Variants in OSMR observed in about 807,000 individuals in gnomAD.
OSMR encodes oncostatin M receptor.
OSMR carries 81 observed loss-of-function variants against 99.9 expected under a neutral mutation model. The ratio of observed to expected loss-of-function variants is 0.81; its 90% confidence interval spans 0.68 to 0.97. OSMR has a LOEUF of 0.97. Ranked by LOEUF, OSMR falls within the 50% of genes least tolerant of loss-of-function variation. The probability of loss-of-function intolerance (pLI) is 0.00; values close to 1 mark genes in which losing one functional copy is unlikely to be tolerated. For synonymous variants in OSMR, 406 were observed against 410.4 expected, an observed-to-expected ratio of 0.99 and a Z score of 0.13; for missense variants, 1,099 against 1,153.4, an observed-to-expected ratio of 0.95 and a Z score of 0.68.
At chr5:38,884,227 T>C in intron 5 of OSMR, 116 bp downstream of exon 5, 1 of 907,798 alleles carries the variant, frequency 1.1e-6, no homozygotes, top group East Asian at 2.4e-5. Context: ...TTCTTTTGTT[T>C]CCCAAGTTTT....
At chr5:38,890,452 T>C (rs140925436) in intron 7 of OSMR, among the ~76,000 whole-genome samples, 6 of 152,362 alleles carry the variant, frequency 3.9e-5, no homozygotes, top group African/African-American at 1.2e-4. Context: ...CTTTTCTTTT[T>C]AGATTTTCAG....
intron 15 of OSMR, among the ~76,000 whole-genome samples, chr5:38,929,624 A>G (rs1392683060): frequency 6.6e-6 from 1 of 152,192 alleles, no homozygotes; most frequent in African/African-American, 2.4e-5. Context: ...GTAAATTGGT[A>G]CAAGCAATTT....
chr5:38,881,534 A>C (rs74924445), intron 3 of OSMR, 59 bp from the exon 4 acceptor site: 49,619 of 1,613,694 alleles, frequency 0.031, 881 homozygotes, highest in Non-Finnish European at 0.036. Context: ...AAGTCAAGTC[A>C]AGCTATTTTA....
intron 7 of OSMR, 166 bp from the exon 8 acceptor site, chr5:38,903,716 T>C: frequency 2.2e-6 from 2 of 891,380 alleles, no homozygotes; most frequent in Non-Finnish European, 2.7e-6. Flanking sequence ...AGAGAAAGGC[T>C]GTAGTTGGCT....
intron 1 of OSMR, chr5:38,941,698 A>T (rs1045970695): frequency 1.7e-5 from 4 of 232,282 alleles, no homozygotes; most frequent in Non-Finnish European, 3.4e-5. Flanking sequence ...CATAAAAATA[A>T]CTTATAAGTC....
At chr5:38,919,096 C>T in intron 11 of OSMR, 34 bp downstream of exon 11, 1 of 1,609,888 alleles carries the variant, frequency 6.2e-7, no homozygotes, top group Non-Finnish European at 8.5e-7. Context: ...TGTTTTTATT[C>T]TCTAGGAAAA....
At chr5:38,889,754 A>G (rs1035377675) in intron 7 of OSMR, among the ~76,000 whole-genome samples, 1 of 152,134 alleles carries the variant, frequency 6.6e-6, no homozygotes, top group African/African-American at 2.4e-5. Context: ...TTGAAAAGAA[A>G]CCAATTTTGC....
At chr5:38,899,414 G>A (rs1043549876) in intron 7 of OSMR, among the ~76,000 whole-genome samples, 1 of 152,134 alleles carries the variant, frequency 6.6e-6, no homozygotes, top group Non-Finnish European at 1.5e-5. Context: ...GCCCACTTGT[G>A]CTCTACCCCT....
intron 1 of OSMR, chr5:38,940,934 C>T (rs1041057396): frequency 3.0e-5 from 7 of 232,312 alleles, no homozygotes; most frequent in African/African-American, 1.3e-4. Flanking sequence ...AAATGTTATA[C>T]ACAAATGAAT....
chr5:38,888,748 C>T (rs2112430390), intron 7 of OSMR, among the ~76,000 whole-genome samples: 1 of 152,168 alleles, frequency 6.6e-6, no homozygotes, highest in African/African-American at 2.4e-5. Flanking sequence ...TCTCGTAAGT[C>T]CACAAGTATA....
At chr5:38,886,501 T>C (rs1743784383) in intron 7 of OSMR, 1 of 365,090 alleles carries the variant, frequency 2.7e-6, no homozygotes, top group Non-Finnish European at 4.7e-6. Flanking sequence ...AAGATAATTA[T>C]CACTTTAAAT....
At position 38,903,240 on chromosome 5, in the gene OSMR, T is replaced by C. The variant is rs201015383; in HGVS notation, c.992-642T>C. Among the ~76,000 whole-genome samples, 6 of 152,338 alleles carry C rather than the reference T, an allele frequency of 3.9e-5. No homozygotes were observed. The East Asian group carries it at 9.7e-4, about 25-fold the overall frequency. ...TTACCATCAGACAGGCAGCAAGGGA[T>C]AACACAAGCCTTGGATTTATTGCTG... On this transcript the variant is annotated intron_variant, in intron 7 of 17. Coordinates refer to ENST00000274276, the MANE Select transcript of OSMR (RefSeq NM_003999.3).
In OSMR at chr5:38,932,454, T is replaced by G; in HGVS notation, c.2295-9T>G. The G allele has an allele frequency of 1.9e-6, 3 of 1,611,898 alleles. No homozygotes were observed. The highest frequency in any genetic ancestry group is 2.2e-5 in the South Asian group (2 of 91,026). On this transcript the variant is annotated splice_polypyrimidine_tract_variant and intron_variant, in intron 16 of 17. Coordinates refer to ENST00000274276, the MANE Select transcript of OSMR (RefSeq NM_003999.3). ...TGAAATTCAGTCTCATTTTCGCTTT[T>G]TTTTCTAGGATCAAGGAGACCTGTT...
chr5:38,923,589 T>C (rs1202462398), intron 13 of OSMR, among the ~76,000 whole-genome samples: 5 of 152,208 alleles, frequency 3.3e-5, no homozygotes, highest in Non-Finnish European at 1.5e-5. Context: ...GTTTCAGCTT[T>C]TAAAATTTTT....
rs558057945 is a variant in OSMR at position 38,923,054 on chromosome 5, G to A, written c.1766-96G>A. 163 of 1,494,392 alleles carry A rather than the reference G, an allele frequency of 1.1e-4. No individual in the cohort carries two copies. The African/African-American group carries it at 2.1e-3, about 19-fold the overall frequency. The allele number at this position is 1,494,392 out of a possible 1,614,324, so 92.6% of individuals were successfully genotyped here. A position where few individuals can be genotyped will look rare whatever the true frequency, so the allele number is the denominator to read the frequency against. ...GCCTCCCAAAGTGCTGGGATTTCAGGCGTGAGCCAACGTGTCATGCCTTTT... is the reference window on the plus strand; with the variant it reads ...GCCTCCCAAAGTGCTGGGATTTCAGACGTGAGCCAACGTGTCATGCCTTTT... On this transcript the variant is annotated intron_variant, in intron 12 of 17. Coordinates refer to ENST00000274276, the MANE Select transcript of OSMR (RefSeq NM_003999.3).
At chr5:38,895,842 G>A (rs543630294) in intron 7 of OSMR, among the ~76,000 whole-genome samples, 12 of 151,966 alleles carry the variant, frequency 7.9e-5, no homozygotes, top group African/African-American at 2.4e-4. Flanking sequence ...GCTAGAAATC[G>A]GTGTCTAGTT....
chr5:38,894,562 C>T (rs1744371846), intron 7 of OSMR, among the ~76,000 whole-genome samples: 1 of 145,720 alleles, frequency 6.9e-6, no homozygotes, highest in South Asian at 2.2e-4. Flanking sequence ...TCAGGTAAAA[C>T]AGACTTTAAA....
intron 1 of OSMR, among the ~76,000 whole-genome samples, chr5:38,865,630 G>A (rs1467708883): frequency 6.6e-6 from 1 of 152,240 alleles, no homozygotes; most frequent in Non-Finnish European, 1.5e-5. Flanking sequence ...CCCACTGGTG[G>A]TGGTGGCACC....
At chr5:38,884,172 C>A in intron 5 of OSMR, 61 bp downstream of exon 5, 1 of 1,228,318 alleles carries the variant, frequency 8.1e-7, no homozygotes, top group South Asian at 1.2e-5. Context: ...GATTAAATCT[C>A]CTTTACTAGA....
Sources: allele counts gnomAD v4.1 joint callset (sites outside exome capture counted in the v4.1 genomes callset), GRCh38; gene constraint gnomAD v4.1.1; transcripts MANE v1.5; gene names NCBI Gene and HGNC (gene_info 2026-07-23, HGNC 2026-07-21).